IQCM: variants seen among roughly 807,000 people sequenced by gnomAD.
IQCM encodes IQ motif containing M.
A neutral mutation model predicts 57.6 loss-of-function variants in IQCM; 45 were observed. The ratio of observed to expected loss-of-function variants is 0.78; its 90% CI spans 0.62 to 1.00. IQCM has a LOEUF of 1.00. IQCM is among the 50% of genes least tolerant of loss of function. The pLI is 0.00. For missense variants in IQCM, 468 were observed against 511.6 expected (o/e 0.91, Z 0.82); for synonymous variants, 148 against 158.9 (o/e 0.93, Z 0.51).
At chr4:149,739,899 G>A (rs1767296460) in intron 3 of IQCM, among the ~76,000 whole-genome samples, 1 of 152,102 alleles carries the variant, frequency 6.6e-6, no homozygotes, top group South Asian at 2.1e-4. Flanking sequence ...CATAAAACCA[G>A]ATTTCTCTAC....
intron 2 of IQCM, among the ~76,000 whole-genome samples, chr4:149,808,669 T>C (rs929981089): frequency 2.0e-5 from 3 of 152,124 alleles, no homozygotes; most frequent in Admixed American, 2.0e-4. Context: ...CCCCAAAATA[T>C]GTACAATGTA....
At chr4:149,457,704 G>A (rs1434468847) in intron 12 of IQCM, among the ~76,000 whole-genome samples, 2 of 151,896 alleles carry the variant, frequency 1.3e-5, no homozygotes, top group Non-Finnish European at 2.9e-5. Context: ...GGAACAAAGG[G>A]TACCATGATG....
chr4:149,609,777 C>A (rs1755117296), intron 8 of IQCM, among the ~76,000 whole-genome samples: 1 of 151,734 alleles, frequency 6.6e-6, no homozygotes, highest in South Asian at 2.1e-4. Flanking sequence ...ACAACCAATA[C>A]CATTCTAAAT....
chr4:149,483,834 G>T (rs764100830), intron 12 of IQCM, among the ~76,000 whole-genome samples: 2 of 151,830 alleles, frequency 1.3e-5, no homozygotes, highest in Non-Finnish European at 2.9e-5. Context: ...TTTATTTTCT[G>T]TTTGTGAGAT....
At chr4:149,400,423 A>T (rs999472983) in intron 13 of IQCM, among the ~76,000 whole-genome samples, 4 of 152,082 alleles carry the variant, frequency 2.6e-5, no homozygotes, top group East Asian at 1.9e-4. Context: ...GATTGTCTAC[A>T]TGCAGACTTC....
At chr4:149,516,036 T>C (rs1579327994) in intron 12 of IQCM, among the ~76,000 whole-genome samples, 1 of 152,274 alleles carries the variant, frequency 6.6e-6, no homozygotes, top group East Asian at 1.9e-4. Context: ...AAAGTGGCTG[T>C]GGAAGCAGGG....
intron 12 of IQCM, among the ~76,000 whole-genome samples, chr4:149,508,030 G>T (rs1744007101): frequency 6.6e-6 from 1 of 151,738 alleles, no homozygotes; most frequent in African/African-American, 2.4e-5. Flanking sequence ...GCCAAGCCTT[G>T]GCAGCTTCCA....
chr4:149,520,428 T>C (rs906614274), intron 12 of IQCM, among the ~76,000 whole-genome samples: 6 of 152,130 alleles, frequency 3.9e-5, no homozygotes, highest in Admixed American at 2.6e-4. Context: ...CCTTTAATTC[T>C]CAAAATGTCC....
intron 2 of IQCM, among the ~76,000 whole-genome samples, chr4:149,813,997 G>A (rs545524202): frequency 1.3e-5 from 2 of 151,992 alleles, no homozygotes; most frequent in East Asian, 3.9e-4. Flanking sequence ...TGTAATCCAG[G>A]GCTTCATGAA....
chr4:149,566,497 CGT>C, intron 9 of IQCM, among the ~76,000 whole-genome samples: 1 of 150,806 alleles, frequency 6.6e-6, no homozygotes, highest in South Asian at 2.1e-4. Context: ...TGTGTGTGTG[CGT>C]GTGTGTACAC....
chr4:149,387,446 A>T (rs1316250191), intron 13 of IQCM, among the ~76,000 whole-genome samples: 2 of 152,066 alleles, frequency 1.3e-5, no homozygotes, highest in Non-Finnish European at 2.9e-5. Flanking sequence ...CAATAGCTTC[A>T]TTCTCTGGTG....
intron 8 of IQCM, among the ~76,000 whole-genome samples, chr4:149,597,107 G>T (rs1447297613): frequency 6.6e-6 from 1 of 151,914 alleles, no homozygotes; most frequent in Non-Finnish European, 1.5e-5. Context: ...TATCAAAATT[G>T]ACTGAGCAGA....
In IQCM at chr4:149,463,816, G is replaced by A. The variant is rs192995382; in HGVS notation, c.1229-30259C>T. Among the ~76,000 whole-genome samples the A allele has an allele frequency of 4.5e-4, 69 of 152,194 alleles. 1 individual carries two copies. In the East Asian group the frequency reaches 0.013, roughly 29 times the overall value. ...TGAGAATCAAAATTAAAATCATAATGAATATAAAAGAATGATTACAATTGT... is the reference window on the plus strand; with the variant it reads ...TGAGAATCAAAATTAAAATCATAATAAATATAAAAGAATGATTACAATTGT... On this transcript the variant is annotated intron_variant, in intron 12 of 13. Transcript: ENST00000636793.
At chr4:149,496,882 C>T (rs983117707) in intron 12 of IQCM, among the ~76,000 whole-genome samples, 2 of 152,146 alleles carry the variant, frequency 1.3e-5, no homozygotes, top group Admixed American at 1.3e-4. Flanking sequence ...ATGCCAAGGC[C>T]TCCTTTGGTG....
intron 7 of IQCM, among the ~76,000 whole-genome samples, chr4:149,629,610 T>A (rs1461635853): frequency 1.3e-5 from 2 of 152,042 alleles, no homozygotes; most frequent in Non-Finnish European, 2.9e-5. Flanking sequence ...GGCAGCAGAA[T>A]ACTAGATGGC....
At chr4:149,519,933 A>G (rs563263017) in intron 12 of IQCM, among the ~76,000 whole-genome samples, 27 of 152,206 alleles carry the variant, frequency 1.8e-4, no homozygotes, top group Middle Eastern at 3.4e-3. Flanking sequence ...TGAACCTGGG[A>G]GGCAGAGCTT....
chr4:149,669,229 A>G (rs1253579420), intron 7 of IQCM, among the ~76,000 whole-genome samples: 1 of 152,176 alleles, frequency 6.6e-6, no homozygotes, highest in Non-Finnish European at 1.5e-5. Flanking sequence ...TCTGATGGTC[A>G]GTGATGATGA....
At chr4:149,522,812 T>C (rs562161768) in intron 12 of IQCM, among the ~76,000 whole-genome samples, 4 of 152,132 alleles carry the variant, frequency 2.6e-5, no homozygotes, top group African/African-American at 9.7e-5. Flanking sequence ...GTTGAAAGAA[T>C]TTATAAAGCT....
chr4:149,353,624 C>T (rs1266494917), intron 13 of IQCM, among the ~76,000 whole-genome samples: 3 of 152,074 alleles, frequency 2.0e-5, no homozygotes, highest in East Asian at 3.9e-4. Flanking sequence ...GAAATCCTGC[C>T]ATTTGCCACA....
Sources: allele counts gnomAD v4.1 joint callset (sites outside exome capture counted in the v4.1 genomes callset), GRCh38; gene constraint gnomAD v4.1.1; transcripts MANE v1.5; gene names NCBI Gene and HGNC (gene_info 2026-07-23, HGNC 2026-07-21).